Variants in SLCO5A1 observed in about 807,000 individuals in gnomAD.
SLCO5A1 encodes organic anion transporter polypeptide-related protein 4.
SLCO5A1 carries 39 observed loss-of-function variants against 65.1 expected under a neutral mutation model. The observed-to-expected ratio is 0.60, with a 90% confidence interval of 0.46 to 0.78. SLCO5A1 has a LOEUF of 0.78. Ranked by LOEUF, SLCO5A1 falls within the 30% of genes least tolerant of loss-of-function variation. The probability of loss-of-function intolerance (pLI) is 0.00; values close to 1 mark genes in which losing one functional copy is unlikely to be tolerated. For synonymous variants in SLCO5A1, 438 were observed against 415.7 expected (o/e 1.05, Z -0.65); for missense variants, 1,029 against 1,069.4 (o/e 0.96, Z 0.53).
intron 2 of SLCO5A1, among the ~76,000 whole-genome samples, chr8:69,783,792 A>G (rs1282773456): frequency 6.6e-6 from 1 of 152,154 alleles, no homozygotes; most frequent in East Asian, 1.9e-4. Context: ...AGAGTGTGTG[A>G]CCTATACGGA....
chr8:69,825,019 A>T (rs2130924043), intron 2 of SLCO5A1, among the ~76,000 whole-genome samples: 1 of 152,332 alleles, frequency 6.6e-6, no homozygotes, highest in South Asian at 2.1e-4. Flanking sequence ...AGAACCAAAG[A>T]CAAAAACCAC....
At chr8:69,710,253 A>G (rs1192802919) in intron 5 of SLCO5A1, among the ~76,000 whole-genome samples, 1 of 152,056 alleles carries the variant, frequency 6.6e-6, no homozygotes, top group Admixed American at 6.6e-5. Flanking sequence ...TCCTGACCTC[A>G]GGTGATCCAC....
intron 4 of SLCO5A1, among the ~76,000 whole-genome samples, chr8:69,744,223 A>G (rs1300371863): frequency 2.0e-5 from 3 of 152,200 alleles, no homozygotes; most frequent in Admixed American, 2.0e-4. Flanking sequence ...GGGATTGACC[A>G]AGCATAAGAA....
chr8:69,714,445 T>A (rs747514811), intron 5 of SLCO5A1, among the ~76,000 whole-genome samples: 38 of 152,204 alleles, frequency 2.5e-4, no homozygotes, highest in Non-Finnish European at 4.6e-4. Context: ...TAAGTTCTTT[T>A]AGGAGTTCTC....
At chr8:69,786,622 A>G (rs1321086010) in intron 2 of SLCO5A1, among the ~76,000 whole-genome samples, 1 of 152,188 alleles carries the variant, frequency 6.6e-6, no homozygotes, top group Admixed American at 6.5e-5. Flanking sequence ...CAAGAAAGTG[A>G]TCTTTTCATG....
At chr8:69,678,978 CTG>C (rs1813655975) in intron 8 of SLCO5A1, among the ~76,000 whole-genome samples, 1 of 152,200 alleles carries the variant, frequency 6.6e-6, no homozygotes, top group Non-Finnish European at 1.5e-5. Context: ...ATAGCCTTTG[CTG>C]TATGCACGAT....
chr8:69,703,619 G>A (rs1347599232), intron 6 of SLCO5A1, among the ~76,000 whole-genome samples: 1 of 152,226 alleles, frequency 6.6e-6, no homozygotes, highest in Admixed American at 6.5e-5. Flanking sequence ...ATGCTATGCA[G>A]TGGTTAAAGG....
At chr8:69,707,353 G>GAAT (rs1815016849) in intron 5 of SLCO5A1, among the ~76,000 whole-genome samples, 1 of 152,202 alleles carries the variant, frequency 6.6e-6, no homozygotes, top group Admixed American at 6.5e-5. Context: ...AGATGAGACA[G>GAAT]AATCTGCCCA....
chr8:69,710,018 G>GATTTTTT (rs1815155870), intron 5 of SLCO5A1, among the ~76,000 whole-genome samples: 1 of 59,130 alleles, frequency 1.7e-5, no homozygotes, highest in African/African-American at 9.8e-5. Context: ...ATCGGCAACA[G>GATTTTTT]CTTTTTTTTT....
At chr8:69,725,460 G>GATGTATGTATGTATGTATGT (rs61338509) in intron 5 of SLCO5A1, among the ~76,000 whole-genome samples, 6 of 150,360 alleles carry the variant, frequency 4.0e-5, no homozygotes, top group African/African-American at 1.5e-4. Flanking sequence ...AAAGAATAAA[G>GATGTATGTATGTATGTATGT]ATGTATGTAT....
intron 2 of SLCO5A1, among the ~76,000 whole-genome samples, chr8:69,822,815 G>T (rs371098103): frequency 6.6e-6 from 1 of 152,196 alleles, no homozygotes; most frequent in African/African-American, 2.4e-5. Context: ...ACCAGTTGTT[G>T]GTAGAGTGAA....
intron 2 of SLCO5A1, among the ~76,000 whole-genome samples, chr8:69,813,499 A>G (rs1820291658): frequency 6.6e-6 from 1 of 152,262 alleles, no homozygotes; most frequent in East Asian, 1.9e-4. Flanking sequence ...CAGTTTAACG[A>G]GCAGTCATAA....
chr8:69,772,713 G>C (rs1167112792), intron 2 of SLCO5A1, among the ~76,000 whole-genome samples: 4 of 151,930 alleles, frequency 2.6e-5, no homozygotes, highest in Admixed American at 1.3e-4. Context: ...GGGCCTCCCT[G>C]GACGTGGGAA....
chr8:69,712,532 C>A (rs1416754911), intron 5 of SLCO5A1, among the ~76,000 whole-genome samples: 1 of 152,128 alleles, frequency 6.6e-6, no homozygotes, highest in African/African-American at 2.4e-5. Context: ...AAGGAGAGAA[C>A]AAAATTAGGC....
intron 7 of SLCO5A1, among the ~76,000 whole-genome samples, chr8:69,681,444 T>G (rs1440149306): frequency 6.6e-6 from 1 of 152,002 alleles, no homozygotes; most frequent in Non-Finnish European, 1.5e-5. Flanking sequence ...AAATACAAAA[T>G]TAGCCAGGCA....
rs187336785 is a variant in SLCO5A1, at chr8:69,675,243, C to T, written c.2089+1366G>A. 3.9e-3 allele frequency among the ~76,000 whole-genome samples: 580 copies of T among 150,476 alleles called. 5 individuals are homozygous for T. Among genetic ancestry groups the T allele is most frequent in the African/African-American group, 0.014 (566 of 40,956 alleles). ...AGGCTGGAGTACAGTGGCTCCATCT[C>T]GGCTCACTGCAACCTCCGCCTCCCA... On this transcript the variant is annotated intron_variant, in intron 9 of 9. Coordinates refer to ENST00000260126, the MANE Select transcript of SLCO5A1 (RefSeq NM_030958.3).
At position 69,716,359 on chromosome 8, in the gene SLCO5A1, CTGGATCATATGT is replaced by C. The variant is rs534001558; in HGVS notation, c.1424-11142_1424-11131del. 1.9e-3 allele frequency among the ~76,000 whole-genome samples: 292 copies of C among 152,300 alleles called. 10 individuals are homozygous for C. The South Asian group carries it at 0.059, about 31-fold the overall frequency. Reference sequence around the variant, plus strand: ...GGATACATGCCTAGAAATGGAATTACTGGATCATATGTTAACTCTGTGTTTGAGGAAGTACCA... The same window carrying C: ...GGATACATGCCTAGAAATGGAATTACTAACTCTGTGTTTGAGGAAGTACCA... On this transcript the variant is annotated intron_variant, in intron 5 of 9. Coordinates refer to ENST00000260126, the MANE Select transcript of SLCO5A1 (RefSeq NM_030958.3).
intron 2 of SLCO5A1, among the ~76,000 whole-genome samples, chr8:69,775,701 C>A (rs1161381916): frequency 6.6e-6 from 1 of 152,088 alleles, no homozygotes; most frequent in East Asian, 1.9e-4. Context: ...AAAACTTTAA[C>A]CTCACAAGTT....
chr8:69,761,889 A>G lies in SLCO5A1; in HGVS notation c.908-14T>C. 6.2e-7 allele frequency: 1 copy of G among 1,610,048 alleles called. No individual in the cohort carries two copies. The highest frequency in any genetic ancestry group is 1.3e-5 in the African/African-American group (1 of 74,812). ...CATACATGATGGCTGAGAAGACAGA[A>G]GGGGAAATGTGAAATACAGCGACGT... On this transcript the variant is annotated splice_polypyrimidine_tract_variant and intron_variant, in intron 2 of 9. Coordinates refer to ENST00000260126, the MANE Select transcript of SLCO5A1 (RefSeq NM_030958.3).
Sources: gnomAD v4.1 joint callset for allele counts (sites outside exome capture counted in the v4.1 genomes callset) on GRCh38, gnomAD v4.1.1 for gene constraint, MANE v1.5 for transcripts, NCBI Gene and HGNC (gene_info 2026-07-23, HGNC 2026-07-21) for gene names.